DGKB: variants seen among roughly 807,000 people sequenced by gnomAD.
DGKB encodes the protein diacylglycerol kinase beta.
In DGKB, 67 loss-of-function variants were observed where a neutral mutation model predicts 114.3. The ratio of observed to expected loss-of-function variants is 0.59; its 90% CI spans 0.48 to 0.72. The LOEUF is 0.72. Among genes scored for constraint, DGKB ranks in the 30% least tolerant of loss-of-function variants. The probability of loss-of-function intolerance (pLI) is 0.00; values close to 1 mark genes in which losing one functional copy is unlikely to be tolerated. For missense variants in DGKB, 907 were observed against 975.2 expected, an observed-to-expected ratio of 0.93 and a Z score of 0.93; for synonymous variants, 398 against 323.1, an observed-to-expected ratio of 1.23 and a Z score of -2.49.
intron 1 of DGKB, among the ~76,000 whole-genome samples, chr7:14,872,937 T>C (rs1056435635): frequency 1.3e-5 from 2 of 151,926 alleles, no homozygotes; most frequent in East Asian, 3.8e-4. Flanking sequence ...TTTTATTTGA[T>C]AATCAAGAGA....
At chr7:14,767,151 GA>G (rs965303515) in intron 2 of DGKB, among the ~76,000 whole-genome samples, 7 of 149,704 alleles carry the variant, frequency 4.7e-5, no homozygotes, top group Middle Eastern at 3.4e-3. Context: ...TAAAAAAAGA[GA>G]AAAAAAACAG....
intron 21 of DGKB, among the ~76,000 whole-genome samples, chr7:14,475,386 C>A (rs1274328394): frequency 6.6e-6 from 1 of 152,070 alleles, no homozygotes; most frequent in East Asian, 1.9e-4. Context: ...ATGTTCATAT[C>A]CTGAATATAT....
intron 1 of DGKB, among the ~76,000 whole-genome samples, chr7:14,958,676 C>T (rs60540005): frequency 1.8e-3 from 274 of 152,042 alleles, no homozygotes; most frequent in African/African-American, 5.6e-3. Flanking sequence ...CATATGACTG[C>T]GGGAGTATTA....
chr7:14,331,612 T>C (rs1809732499), intron 23 of DGKB, among the ~76,000 whole-genome samples: 1 of 152,058 alleles, frequency 6.6e-6, no homozygotes, highest in Admixed American at 6.6e-5. Flanking sequence ...CTGGGAAATA[T>C]AATGTAAAGC....
intron 1 of DGKB, among the ~76,000 whole-genome samples, chr7:14,925,661 T>G (rs1784707849): frequency 6.6e-6 from 1 of 152,208 alleles, no homozygotes; most frequent in Non-Finnish European, 1.5e-5. Context: ...AGAGCAATTG[T>G]AAATCGTATT....
rs1175302192 is a variant in DGKB at position 14,212,391 on chromosome 7, ACTCTCATGTTTTGTGAT to A, written c.2123-34257_2123-34241del. On this transcript the variant is annotated intron_variant, in intron 23 of 25. Coordinates refer to ENST00000402815, the MANE Select transcript of DGKB (RefSeq NM_001350709.2). Reference sequence around the variant, plus strand: ...TTTACTCTCGTGTTTTGTGATATTTACTCTCATGTTTTGTGATTTTACTCTCGTGTTTTGTGATATTT... The same window carrying A: ...TTTACTCTCGTGTTTTGTGATATTTATTTACTCTCGTGTTTTGTGATATTT... Among the ~76,000 whole-genome samples the A allele has an allele frequency of 1.1e-3, 63 of 56,810 alleles. 12 individuals carry two copies. Among genetic ancestry groups the A allele is most frequent in the South Asian group, 2.9e-3 (4 of 1,368 alleles). 37.3% of individuals were successfully genotyped at this position (56,810 alleles called of 152,430 possible). A position where few individuals can be genotyped will look rare whatever the true frequency, so the allele number is the denominator to read the frequency against.
At chr7:14,502,664 A>G (rs1359432147) in intron 20 of DGKB, among the ~76,000 whole-genome samples, 1 of 152,100 alleles carries the variant, frequency 6.6e-6, no homozygotes, top group Non-Finnish European at 1.5e-5. Flanking sequence ...AAATTTTGAC[A>G]TTAGATTGGA....
intron 1 of DGKB, among the ~76,000 whole-genome samples, chr7:14,911,330 G>A (rs532908975): frequency 3.0e-4 from 45 of 152,016 alleles, no homozygotes; most frequent in African/African-American, 1.1e-3. Context: ...TTGATCTTAA[G>A]TTATTTCATA....
intron 23 of DGKB, among the ~76,000 whole-genome samples, chr7:14,283,657 A>C (rs1800339385): frequency 6.6e-6 from 1 of 151,362 alleles, no homozygotes; most frequent in Non-Finnish European, 1.5e-5. Context: ...TACTGGTACC[A>C]AAACAGAGAT....
intron 20 of DGKB, among the ~76,000 whole-genome samples, chr7:14,525,811 T>C (rs1790548319): frequency 6.6e-6 from 1 of 152,162 alleles, no homozygotes; most frequent in Admixed American, 6.6e-5. Flanking sequence ...TTCAAAATAT[T>C]TTCCAGTACT....
chr7:14,466,186 A>C (rs1374449699), intron 21 of DGKB, among the ~76,000 whole-genome samples: 1 of 152,196 alleles, frequency 6.6e-6, no homozygotes, highest in Non-Finnish European at 1.5e-5. Context: ...TTTCATTGAA[A>C]AATACGAACA....
rs111521998 is a variant in DGKB at position 14,194,832 on chromosome 7, C to G, written c.2123-16681G>C. Among the ~76,000 whole-genome samples, 106 of 152,160 alleles carry G rather than the reference C, an allele frequency of 7.0e-4. 1 individual carries two copies. Among genetic ancestry groups the G allele is most frequent in the African/African-American group, 2.4e-3 (100 of 41,518 alleles). On this transcript the variant is annotated intron_variant, in intron 23 of 25. Transcript: ENST00000402815. ...TTTGTTTTTATGCTAAAATTCTGAACTCCTTTAAACGAGTCTAAAATAAGG... is the reference window on the plus strand; with the variant it reads ...TTTGTTTTTATGCTAAAATTCTGAAGTCCTTTAAACGAGTCTAAAATAAGG...
intron 21 of DGKB, among the ~76,000 whole-genome samples, chr7:14,345,627 T>A (rs551483945): frequency 4.9e-4 from 74 of 151,758 alleles, no homozygotes; most frequent in African/African-American, 1.6e-3. Context: ...ACACCTTTAG[T>A]TTTTTGTGGG....
chr7:14,471,356 AAT>A (rs1563258911), intron 21 of DGKB, among the ~76,000 whole-genome samples: 6 of 272 alleles, frequency 0.022, no homozygotes, highest in African/African-American at 0.11. Flanking sequence ...ATATGTATGG[AAT>A]ATATGTGTAT....
At chr7:14,904,376 A>G (rs952873660), upstream of DGKB, among the ~76,000 whole-genome samples, 42 of 152,154 alleles carry the variant, frequency 2.8e-4, no homozygotes, top group African/African-American at 9.7e-4. Context: ...CATATTGGCC[A>G]TATTTTTTCC....
chr7:14,853,427 A>G (rs573291922), intron 1 of DGKB, among the ~76,000 whole-genome samples: 1 of 152,038 alleles, frequency 6.6e-6, no homozygotes, highest in South Asian at 2.1e-4. Flanking sequence ...TGCTACTACT[A>G]AAATCTATAA....
intron 21 of DGKB, among the ~76,000 whole-genome samples, chr7:14,378,538 G>C (rs1246766723): frequency 6.6e-6 from 1 of 152,006 alleles, no homozygotes; most frequent in South Asian, 2.1e-4. Context: ...GATAGAAGGG[G>C]ACCTCAGTGA....
chr7:14,400,775 T>G (rs373864938), intron 21 of DGKB, among the ~76,000 whole-genome samples: 4 of 147,888 alleles, frequency 2.7e-5, no homozygotes, highest in Middle Eastern at 3.5e-3. Flanking sequence ...AATCCTGAAA[T>G]GTGGCTTAAG....
At chr7:14,299,567 C>G (rs112202946) in intron 23 of DGKB, among the ~76,000 whole-genome samples, 1 of 152,108 alleles carries the variant, frequency 6.6e-6, no homozygotes, top group African/African-American at 2.4e-5. Flanking sequence ...CAATAGTTAA[C>G]AGTTGAAAAC....
Sources: allele counts gnomAD v4.1 joint callset (sites outside exome capture counted in the v4.1 genomes callset), GRCh38; gene constraint gnomAD v4.1.1; transcripts MANE v1.5; gene names NCBI Gene and HGNC (gene_info 2026-07-23, HGNC 2026-07-21).